The following FHOD3 variants were observed in gnomAD, a reference collection of about 807,000 sequenced individuals.
FHOD3 encodes FH1/FH2 domain-containing protein 3.
In FHOD3, 90 loss-of-function variants were observed where a neutral mutation model predicts 173.0. The ratio of observed to expected loss-of-function variants is 0.52; its 90% CI spans 0.44 to 0.62. The LOEUF (loss-of-function observed/expected upper bound fraction) is 0.62, where lower values mean the gene tolerates loss of function less well. Ranked by LOEUF, FHOD3 falls within the 20% of genes least tolerant of loss-of-function variation. The probability of loss-of-function intolerance (pLI) is 0.00; values close to 1 mark genes in which losing one functional copy is unlikely to be tolerated. For missense variants in FHOD3, 1,945 were observed against 2,034.7 expected (o/e 0.96, Z 0.85); for synonymous variants, 828 against 823.0 (o/e 1.01, Z -0.10).
intron 4 of FHOD3, among the ~76,000 whole-genome samples, chr18:36,507,874 C>T (rs912290889): frequency 1.3e-5 from 2 of 152,264 alleles, no homozygotes; most frequent in African/African-American, 4.8e-5. Context: ...CACTCCTCCC[C>T]CTTCCTCATT....
At chr18:36,558,619 T>C (rs1263022197) in intron 5 of FHOD3, among the ~76,000 whole-genome samples, 1 of 152,214 alleles carries the variant, frequency 6.6e-6, no homozygotes, top group Non-Finnish European at 1.5e-5. Flanking sequence ...CAACATTCTG[T>C]ACAGCATTAT....
chr18:36,306,054 C>G (rs1018806027), intron 1 of FHOD3, among the ~76,000 whole-genome samples: 12 of 152,164 alleles, frequency 7.9e-5, no homozygotes, highest in African/African-American at 2.9e-4. Context: ...GGGTGCTACA[C>G]CCTAGAAACC....
intron 10 of FHOD3, among the ~76,000 whole-genome samples, chr18:36,645,950 A>G (rs2035650422): frequency 6.6e-6 from 1 of 152,176 alleles, no homozygotes; most frequent in Non-Finnish European, 1.5e-5. Flanking sequence ...TTTTTTAATG[A>G]AGGCTATCTA....
rs777014369 is a variant in FHOD3 at position 36,652,576 on chromosome 18, C to T, written c.1293C>T (p.Val431=). The change falls in exon 12 of 29, where the codon GTC becomes GTT. Residue 431 remains valine, a synonymous_variant. Transcript: ENST00000590592. ...CTCCCTGCTGGCCCAACAGCAAGGT[C>T]GGCGCTGCCTCAGGGCAGAGCCCCA... ...DASCQGKDSK[V]GAASGQSPTG... 6.4e-5 allele frequency: 97 copies of T among 1,526,208 alleles called. No homozygotes were observed. The highest frequency in any genetic ancestry group is 2.3e-4 in the African/African-American group (17 of 72,840). 94.5% of individuals were successfully genotyped at this position (1,526,208 alleles called of 1,614,324 possible).
chr18:36,411,898 GCTGC>G (rs1346584848), intron 3 of FHOD3, among the ~76,000 whole-genome samples: 7 of 152,234 alleles, frequency 4.6e-5, no homozygotes, highest in African/African-American at 1.7e-4. Flanking sequence ...TCTTTGGGTA[GCTGC>G]TGCTCCAAGC....
chr18:36,382,205 G>C (rs1000239762), intron 3 of FHOD3, among the ~76,000 whole-genome samples: 1 of 152,090 alleles, frequency 6.6e-6, no homozygotes, highest in Admixed American at 6.5e-5. Context: ...GGATGCTGTC[G>C]TCCCCAAATG....
chr18:36,779,833 C>T lies in FHOD3; in HGVS notation c.*303C>T, dbSNP rs935322802. On this transcript the variant is annotated 3_prime_UTR_variant, in exon 29 of 29. Transcript: ENST00000590592. ...GGCAAGGAACAGCCCCTTTAAGGAG[C>T]AAATCACTTCTGTCACAGTTATTAT... The T allele has an allele frequency of 5.3e-5, 25 of 470,972 alleles. No homozygotes were observed. Among genetic ancestry groups the T allele is most frequent in the African/African-American group, 4.7e-4 (24 of 51,398 alleles). 29.2% of individuals were successfully genotyped at this position (470,972 alleles called of 1,614,324 possible).
rs150993847 is a variant in FHOD3 at position 36,690,860 on chromosome 18, C to T, written c.2022-2349C>T. On this transcript the variant is annotated intron_variant, in intron 16 of 28. Transcript: ENST00000590592. ...TTGTGTAACCAGTCTCCAGACTCTTCTCATCTTATAAAACTGAACCTCTTT... is the reference window on the plus strand; with the variant it reads ...TTGTGTAACCAGTCTCCAGACTCTTTTCATCTTATAAAACTGAACCTCTTT... 1.8e-3 allele frequency among the ~76,000 whole-genome samples: 272 copies of T among 152,340 alleles called. 1 individual carries two copies. The highest frequency in any genetic ancestry group is 6.2e-3 in the African/African-American group (259 of 41,580).
chr18:36,379,825 C>T (rs1185977807), intron 3 of FHOD3, among the ~76,000 whole-genome samples: 1 of 152,190 alleles, frequency 6.6e-6, no homozygotes, highest in Non-Finnish European at 1.5e-5. Context: ...TGGCTGTCCC[C>T]ATGAAGAGAC....
intron 10 of FHOD3, among the ~76,000 whole-genome samples, chr18:36,641,024 A>T (rs1294381982): frequency 6.6e-6 from 1 of 151,988 alleles, no homozygotes; most frequent in Non-Finnish European, 1.5e-5. Flanking sequence ...ACATGGGGAG[A>T]TCTCTGAGGT....
At position 36,625,602 on chromosome 18, in the gene FHOD3, G is replaced by A; in HGVS notation, c.1049G>A (p.Gly350Asp). Residue 350 changes from glycine to aspartate, a missense_variant, in exon 10 of 29, where the codon GGC becomes GAC. This residue lies in a region of FHOD3 where 1,099 missense variants were observed against 1,051.2 expected (regional missense o/e 1.05). Transcript: ENST00000590592. The stretch of plus-strand genomic sequence containing the variant: ...AGGAGGGCCAGCGTGTGTTCCAGTG[G>A]CGGAGGCGAGCACCGGGGCCTGGAC... ...DRRRASVCSS[G>D]GGEHRGLDRR... 1 of 1,583,310 alleles carries A rather than the reference G, an allele frequency of 6.3e-7. No individual in the cohort carries two copies. Among genetic ancestry groups the A allele is most frequent in the East Asian group, 2.3e-5 (1 of 42,850 alleles).
chr18:36,538,541 A>G (rs2057081645), intron 5 of FHOD3, among the ~76,000 whole-genome samples: 1 of 152,236 alleles, frequency 6.6e-6, no homozygotes, highest in Non-Finnish European at 1.5e-5. Flanking sequence ...TATACATATA[A>G]CTTTGACTAC....
chr18:36,476,054 T>G (rs1011708512), intron 3 of FHOD3, among the ~76,000 whole-genome samples: 2 of 152,224 alleles, frequency 1.3e-5, no homozygotes, highest in African/African-American at 4.8e-5. Flanking sequence ...ATTATTATTA[T>G]ATTGAATTTA....
chr18:36,500,754 A>T (rs890285679), intron 3 of FHOD3, among the ~76,000 whole-genome samples: 52 of 152,214 alleles, frequency 3.4e-4, no homozygotes, highest in African/African-American at 1.2e-3. Flanking sequence ...TTTGCTCCTG[A>T]TAATTCCATT....
rs1236922981 is a variant in FHOD3 at position 36,470,167 on chromosome 18, AC to A, written c.338-31762del. Among the ~76,000 whole-genome samples, 3 of 151,962 alleles carry A rather than the reference AC, an allele frequency of 2.0e-5. No individual in the cohort carries two copies. In the East Asian group the frequency reaches 5.8e-4, roughly 29 times the overall value. ...GTCCTAGGAACGTGGCAGTTAGCAT[AC>A]CCTTGTGAAGTCTGGAGGCCTCCGG... On this transcript the variant is annotated intron_variant, in intron 3 of 28. Transcript: ENST00000590592.
Position 36,769,408 on chromosome 18 carries a change from C to T in FHOD3, c.4768C>T (p.Arg1590Trp), listed in dbSNP as rs773631227. 7 of 1,613,936 alleles carry T rather than the reference C, an allele frequency of 4.3e-6. No homozygotes were observed. Among genetic ancestry groups the T allele is most frequent in the African/African-American group, 1.3e-5 (1 of 74,898 alleles). The change falls in exon 28 of 29, where the codon CGG (arginine) becomes TGG (tryptophan). Residue 1590 changes from arginine (R) to tryptophan (W), a missense_variant. Physicochemically the swap from Arg to Trp is moderately radical, Grantham distance 101. Transcript: ENST00000590592. ...RVVPRERKRS[R>W]ANRKSLRRTL... ...GGTGCCGAGGGAGAGGAAACGATCC[C>T]GGGCCAACCGGAAATCTTGTGAGTG...
chr18:36,354,069 C>T (rs1037137786), intron 1 of FHOD3, among the ~76,000 whole-genome samples: 6 of 152,202 alleles, frequency 3.9e-5, no homozygotes, highest in African/African-American at 1.2e-4. Flanking sequence ...GTTATGCAGC[C>T]AGAGCCCAAC....
In FHOD3 at chr18:36,457,064, T is replaced by G. The variant is rs1393375420; in HGVS notation, c.338-44868T>G. On this transcript the variant is annotated intron_variant, in intron 3 of 28. Coordinates refer to ENST00000590592, the MANE Select transcript of FHOD3 (RefSeq NM_001281740.3). ...GTAGCTCCAGTCAGGTTCCAGCAGGTGGGAAGGTGAGAAGTGAGAGGAAAA... is the reference window on the plus strand; with the variant it reads ...GTAGCTCCAGTCAGGTTCCAGCAGGGGGGAAGGTGAGAAGTGAGAGGAAAA... Among the ~76,000 whole-genome samples, 7 of 151,602 alleles carry G rather than the reference T, an allele frequency of 4.6e-5. No homozygotes were observed. The East Asian group carries it at 1.2e-3, about 25-fold the overall frequency.
At chr18:36,643,234 T>G (rs28587438) in intron 10 of FHOD3, among the ~76,000 whole-genome samples, 10,755 of 152,204 alleles carry the variant, frequency 0.071, 652 homozygotes, top group East Asian at 0.24. Flanking sequence ...GGTGCTTCAG[T>G]ATCCCTAGGG....
Sources: allele counts gnomAD v4.1 joint callset (sites outside exome capture counted in the v4.1 genomes callset), GRCh38; gene constraint gnomAD v4.1.1; regional missense constraint gnomAD v4.1.1; transcripts MANE v1.5; gene names NCBI Gene and HGNC (gene_info 2026-07-23, HGNC 2026-07-21).